Variants in YTHDC2 observed in about 807,000 individuals in gnomAD.
The protein encoded by YTHDC2 is 3'-5' RNA helicase YTHDC2.
Under a neutral mutation model 174.9 loss-of-function variants are expected in YTHDC2, and 45 were observed. The observed-to-expected ratio is 0.26, with a 90% CI of 0.20 to 0.33. The LOEUF (loss-of-function observed/expected upper bound fraction) is 0.33, where lower values mean the gene tolerates loss of function less well. Among genes scored for constraint, YTHDC2 ranks in the 10% least tolerant of loss-of-function variants. YTHDC2 has a pLI of 1.00. For synonymous variants in YTHDC2, 657 were observed against 574.5 expected, an observed-to-expected ratio of 1.14 and a Z score of -2.05; for missense variants, 1,650 against 1,723.7, an observed-to-expected ratio of 0.96 and a Z score of 0.76.
intron 16 of YTHDC2, 93 bp from the exon 17 acceptor site, chr5:113,555,959 C>G: frequency 1.5e-6 from 1 of 678,296 alleles, no homozygotes. Context: ...TTGAATTAAA[C>G]TTTTGGCATG....
rs1421091934 is a variant in YTHDC2, at chr5:113,526,710, A to G, written c.600A>G (p.Glu200=). The change falls in exon 4 of 30, where the codon GAA becomes GAG. Residue 200 remains glutamate, a synonymous_variant. Coordinates refer to ENST00000161863, the MANE Select transcript of YTHDC2 (RefSeq NM_022828.5). ...CTTTACCAGTGTTTGAGAAACAGGA[A>G]GAAATTGTTAAAATAATTAAGGAAA... ...RQSLPVFEKQ[E]EIVKIIKENK... 3 of 1,583,124 alleles carry G rather than the reference A, an allele frequency of 1.9e-6. No individual in the cohort carries two copies. The highest frequency in any genetic ancestry group is 2.7e-5 in the African/African-American group (2 of 73,446).
chr5:113,577,790 GA>G (rs1422825280), intron 23 of YTHDC2, among the ~76,000 whole-genome samples: 1 of 152,038 alleles, frequency 6.6e-6, no homozygotes, highest in Non-Finnish European at 1.5e-5. Context: ...AAAGTTTGGG[GA>G]TATTTCCTAA....
Position 113,545,218 on chromosome 5 carries a change from TG to T in YTHDC2, c.1495+2717del, listed in dbSNP as rs1775777294. Among the ~76,000 whole-genome samples the T allele has an allele frequency of 2.0e-5, 3 of 152,170 alleles. 1 individual carries two copies. The South Asian group carries it at 6.2e-4, about 31-fold the overall frequency. ...AAGGGACTAGGTCAATATTTGGGTGTGGTTGTTCAAGCAGTTATAATCCTAC... is the reference window on the plus strand; with the variant it reads ...AAGGGACTAGGTCAATATTTGGGTGTGTTGTTCAAGCAGTTATAATCCTAC... On this transcript the variant is annotated intron_variant, in intron 10 of 29. Coordinates refer to ENST00000161863, the MANE Select transcript of YTHDC2 (RefSeq NM_022828.5).
intron 26 of YTHDC2, among the ~76,000 whole-genome samples, chr5:113,585,907 G>T (rs1778655323): frequency 6.6e-6 from 1 of 151,798 alleles, no homozygotes; most frequent in South Asian, 2.1e-4. Flanking sequence ...GGACATTTGG[G>T]TTGTTTGCAC....
chr5:113,561,865 A>G (rs981567758), intron 18 of YTHDC2, among the ~76,000 whole-genome samples: 2 of 152,068 alleles, frequency 1.3e-5, no homozygotes, highest in Non-Finnish European at 2.9e-5. Flanking sequence ...AAGGTCCAAA[A>G]GATAATATCC....
chr5:113,571,298 T>G (rs1214231550), intron 23 of YTHDC2, among the ~76,000 whole-genome samples: 1 of 152,252 alleles, frequency 6.6e-6, no homozygotes, highest in Non-Finnish European at 1.5e-5. Context: ...TTGCATATGT[T>G]GAACCAGCCT....
chr5:113,516,840 T>C (rs1225215276), intron 2 of YTHDC2, among the ~76,000 whole-genome samples: 6 of 152,228 alleles, frequency 3.9e-5, no homozygotes, highest in African/African-American at 1.4e-4. Flanking sequence ...TGCATATGAC[T>C]GCCTACTACA....
rs761159222 is a variant in YTHDC2 at position 113,527,557 on chromosome 5, A to G, written c.675+772A>G. On this transcript the variant is annotated intron_variant, in intron 4 of 29. Transcript: ENST00000161863. ...TAGGGACATAATTTTGCTTTTGACAATTGCCTAAAATTTCCTGTGATTATA... is the reference window on the plus strand; with the variant it reads ...TAGGGACATAATTTTGCTTTTGACAGTTGCCTAAAATTTCCTGTGATTATA... Among the ~76,000 whole-genome samples the G allele has an allele frequency of 5.9e-5, 9 of 152,252 alleles. No homozygotes were observed. The South Asian group carries it at 1.5e-3, about 25-fold the overall frequency.
chr5:113,567,900 TA>T, intron 23 of YTHDC2, 51 bp downstream of exon 23: 1 of 1,286,886 alleles, frequency 7.8e-7, no homozygotes, highest in Non-Finnish European at 1.0e-6. Context: ...TTTTTTTTTT[TA>T]CCAAATAATG....
At position 113,593,333 on chromosome 5, in the gene YTHDC2, C is replaced by A. The variant is rs775277024; in HGVS notation, c.4243C>A (p.Leu1415Ile). 1.4e-5 allele frequency: 23 copies of A among 1,612,586 alleles called. No individual in the cohort carries two copies. The highest frequency in any genetic ancestry group is 2.7e-5 in the African/African-American group (2 of 74,848). ...ELEPLVGEQL[L>I]QLWERLPLGE... ...AGAACCTCTGGTTGGTGAACAGTTG[C>A]TCCAGTTATGGGAACGTCTTCCCTT... The change falls in exon 29 of 30, where the codon CTC becomes ATC. Residue 1415 changes from leucine (L) to isoleucine (I), a missense_variant. Leu to Ile is a conservative substitution (Grantham distance 5). Transcript: ENST00000161863.
At chr5:113,568,905 G>A (rs141890376) in intron 23 of YTHDC2, among the ~76,000 whole-genome samples, 18 of 152,182 alleles carry the variant, frequency 1.2e-4, no homozygotes, top group African/African-American at 3.9e-4. Context: ...TGGTATTTCT[G>A]CCTCCAGGTC....
At chr5:113,514,389 T>C (rs901870566) in intron 1 of YTHDC2, 1 of 602,028 alleles carries the variant, frequency 1.7e-6, no homozygotes, top group Non-Finnish European at 3.1e-6. Flanking sequence ...AGATATTGGT[T>C]AGCCCTAACC....
intron 2 of YTHDC2, among the ~76,000 whole-genome samples, chr5:113,524,232 G>C (rs752094586): frequency 6.6e-6 from 1 of 152,072 alleles, no homozygotes; most frequent in Non-Finnish European, 1.5e-5. Context: ...CATGTATTAT[G>C]AAATCATTCA....
chr5:113,563,659 T>G (rs1777150970), intron 19 of YTHDC2, among the ~76,000 whole-genome samples, 167 bp downstream of exon 19: 2 of 152,240 alleles, frequency 1.3e-5, no homozygotes. Context: ...TAAATGATCA[T>G]GTACTTTAAA....
rs779518680 is a variant in YTHDC2 at position 113,579,473 on chromosome 5, A to G, written c.3245-113A>G. On this transcript the variant is annotated intron_variant, in intron 23 of 29. Transcript: ENST00000161863. The stretch of plus-strand genomic sequence containing the variant: ...TTGAGTTTGAAGGACTTCCCACACA[A>G]ATTGTTGTATGTCAGGAGGGTTTGT... 1.1e-3 allele frequency: 693 copies of G among 626,404 alleles called. 12 individuals are homozygous for G. The highest frequency in any genetic ancestry group is 1.9e-4 in the Non-Finnish European group (74 of 387,072). The allele number at this position is 626,404 out of a possible 1,614,324, so 38.8% of individuals were successfully genotyped here. A position where few individuals can be genotyped will look rare whatever the true frequency, so the allele number is the denominator to read the frequency against.
intron 13 of YTHDC2, 31 bp downstream of exon 13, chr5:113,553,390 C>T: frequency 6.4e-7 from 1 of 1,562,086 alleles, no homozygotes; most frequent in Non-Finnish European, 8.6e-7. Flanking sequence ...AGAACTGGAG[C>T]AAAATATATA....
At position 113,525,035 on chromosome 5, in the gene YTHDC2, T is replaced by C. The variant is rs2112548189; in HGVS notation, c.333T>C (p.Ala111=). Residue 111 remains alanine, a synonymous_variant, in exon 3 of 30, where the codon GCT becomes GCC. Transcript: ENST00000161863. ...AGAAGAAAGATGGATCAGAAACAGC[T>C]CATGCAATGATGACCTGTAATTTGA... ...TVKKKDGSET[A]HAMMTCNLTH... is the part of the protein sequence containing the mutation. 6.2e-7 allele frequency: 1 copy of C among 1,611,576 alleles called. No homozygotes were observed. The highest frequency in any genetic ancestry group is 1.7e-4 in the Middle Eastern group (1 of 6,056).
At chr5:113,578,937 C>T (rs1318786585) in intron 23 of YTHDC2, among the ~76,000 whole-genome samples, 1 of 151,858 alleles carries the variant, frequency 6.6e-6, no homozygotes, top group African/African-American at 2.4e-5. Context: ...ATGTTTTAGC[C>T]TATATCAATT....
chr5:113,551,196 A>G (rs1481312136), intron 12 of YTHDC2, among the ~76,000 whole-genome samples: 2 of 152,004 alleles, frequency 1.3e-5, no homozygotes, highest in African/African-American at 2.4e-5. Context: ...TGTCATTTCA[A>G]TAGTAGCACC....
Sources: allele counts gnomAD v4.1 joint callset (sites outside exome capture counted in the v4.1 genomes callset), GRCh38; gene constraint gnomAD v4.1.1; transcripts MANE v1.5; gene names NCBI Gene and HGNC (gene_info 2026-07-23, HGNC 2026-07-21).